Variants in GXYLT2 observed in about 807,000 individuals in gnomAD.
GXYLT2 encodes glycosyltransferase 8 domain containing 4.
Under a neutral mutation model 45.8 loss-of-function variants are expected in GXYLT2, and 53 were observed. That is an observed-to-expected ratio of 1.16 (90% CI 0.93 to 1.46). GXYLT2 has a LOEUF of 1.46. GXYLT2 is among the 40% of genes most tolerant of loss of function. The pLI, the probability that GXYLT2 is intolerant of heterozygous loss-of-function variation, is 0.00. For synonymous variants in GXYLT2, 219 were observed against 214.2 expected (o/e 1.02, Z -0.19); for missense variants, 551 against 544.4 (o/e 1.01, Z -0.12).
At chr3:72,912,013 A>ATAT (rs1156864738) in intron 2 of GXYLT2, among the ~76,000 whole-genome samples, 20 of 114,884 alleles carry the variant, frequency 1.7e-4, no homozygotes, top group African/African-American at 7.2e-4. Flanking sequence ...ATATATATAT[A>ATAT]TTTTTTTTTT....
chr3:72,959,591 T>C (rs1710730088), intron 5 of GXYLT2, among the ~76,000 whole-genome samples: 2 of 152,048 alleles, frequency 1.3e-5, no homozygotes, highest in Admixed American at 6.6e-5. Flanking sequence ...CATTTCACTG[T>C]GACAGTAGGT....
intron 2 of GXYLT2, among the ~76,000 whole-genome samples, chr3:72,909,153 C>G (rs1044953684): frequency 2.8e-5 from 4 of 144,832 alleles, no homozygotes; most frequent in Non-Finnish European, 6.0e-5. Flanking sequence ...ATTGCACCCT[C>G]TGTTTCCTGG....
At chr3:72,963,902 C>T (rs1015501191) in intron 5 of GXYLT2, among the ~76,000 whole-genome samples, 2 of 151,790 alleles carry the variant, frequency 1.3e-5, no homozygotes, top group Admixed American at 6.6e-5. Flanking sequence ...CTCGAACTCC[C>T]GACCTCAGGT....
intron 2 of GXYLT2, 53 bp downstream of exon 2, chr3:72,908,612 T>C: frequency 7.5e-7 from 1 of 1,341,390 alleles, no homozygotes; most frequent in Non-Finnish European, 1.0e-6. Context: ...ACAGACTACA[T>C]TTTAGGAACT....
intron 6 of GXYLT2, among the ~76,000 whole-genome samples, chr3:72,970,052 CA>C (rs199508509): frequency 6.7e-6 from 1 of 149,012 alleles, no homozygotes; most frequent in African/African-American, 2.5e-5. Context: ...GACCCCATCT[CA>C]AAAAAAAATA....
At chr3:72,941,730 A>C (rs938346392) in intron 3 of GXYLT2, among the ~76,000 whole-genome samples, 1 of 152,186 alleles carries the variant, frequency 6.6e-6, no homozygotes, top group Non-Finnish European at 1.5e-5. Flanking sequence ...AAATAAATAT[A>C]TAGGTACAGA....
intron 3 of GXYLT2, among the ~76,000 whole-genome samples, chr3:72,937,941 C>T (rs1442660326): frequency 6.6e-6 from 1 of 152,092 alleles, no homozygotes; most frequent in Non-Finnish European, 1.5e-5. Flanking sequence ...TTCTCAGGAG[C>T]ATGTAAGCCC....
chr3:72,953,042 C>T (rs186735165), intron 3 of GXYLT2, among the ~76,000 whole-genome samples: 73 of 152,202 alleles, frequency 4.8e-4, no homozygotes, highest in Admixed American at 2.9e-3. Flanking sequence ...AGTCTCAAAT[C>T]ACCCAGCAAA....
chr3:72,900,356 G>A (rs1709381214), intron 1 of GXYLT2, among the ~76,000 whole-genome samples: 1 of 152,100 alleles, frequency 6.6e-6, no homozygotes, highest in Admixed American at 6.5e-5. Context: ...GGGAACACTT[G>A]AGCCAGGACA....
At chr3:72,913,481 G>A (rs1255420670) in intron 2 of GXYLT2, among the ~76,000 whole-genome samples, 1 of 151,926 alleles carries the variant, frequency 6.6e-6, no homozygotes, top group Non-Finnish European at 1.5e-5. Context: ...GATCACCTGA[G>A]GTCCGGAGTT....
At chr3:72,923,541 C>T (rs751171173) in intron 3 of GXYLT2, among the ~76,000 whole-genome samples, 1 of 152,060 alleles carries the variant, frequency 6.6e-6, no homozygotes, top group Non-Finnish European at 1.5e-5. Context: ...TCAGTTGCTG[C>T]CTTAATTTTT....
intron 1 of GXYLT2, chr3:72,908,127 C>T (rs1253893621): frequency 2.6e-6 from 1 of 387,556 alleles, no homozygotes; most frequent in African/African-American, 2.0e-5. Context: ...GCAGAAAAAG[C>T]CTCAGACACC....
At chr3:72,889,340 T>C (rs527553488) in intron 1 of GXYLT2, among the ~76,000 whole-genome samples, 11 of 152,334 alleles carry the variant, frequency 7.2e-5, no homozygotes, top group Non-Finnish European at 1.6e-4. Flanking sequence ...AAAACTGTTG[T>C]TTCTAACTGC....
At chr3:72,972,263 C>G (rs1710999489) in intron 6 of GXYLT2, among the ~76,000 whole-genome samples, 1 of 152,108 alleles carries the variant, frequency 6.6e-6, no homozygotes, top group Non-Finnish European at 1.5e-5. Flanking sequence ...TTGACAGTCA[C>G]TTATGAAGCA....
Position 72,967,624 on chromosome 3 carries a change from G to A in GXYLT2, c.1054G>A (p.Glu352Lys). 6.2e-7 allele frequency: 1 copy of A among 1,613,916 alleles called. No homozygotes were observed. Among genetic ancestry groups the A allele is most frequent in the African/African-American group, 1.3e-5 (1 of 75,046 alleles). The change falls in exon 6 of 7, where the codon GAG becomes AAG. Residue 352 changes from glutamate to lysine, a missense_variant. Coordinates refer to ENST00000389617, the MANE Select transcript of GXYLT2 (RefSeq NM_001080393.2). ...GTACGGAAGCAACTGCAGAGAGGCT[G>A]AGCATGAAGGTGTGTCTGTTCTGCA... ...CMYGSNCREA[E>K]HEGVSVLHGN... is the part of the protein sequence containing the mutation.
intron 1 of GXYLT2, among the ~76,000 whole-genome samples, chr3:72,903,600 C>T (rs537067705): frequency 9.9e-5 from 15 of 152,260 alleles, no homozygotes; most frequent in African/African-American, 3.4e-4. Context: ...AAATAACAAA[C>T]ACTGCAGATG....
intron 2 of GXYLT2, among the ~76,000 whole-genome samples, chr3:72,909,138 A>C (rs1295742497): frequency 1.6e-5 from 2 of 125,022 alleles, no homozygotes; most frequent in Non-Finnish European, 1.6e-5. Context: ...GTGCGATCTT[A>C]GCTCATTGCA....
At chr3:72,957,539 T>C (rs1710672515) in intron 5 of GXYLT2, among the ~76,000 whole-genome samples, 187 bp downstream of exon 5, 1 of 152,156 alleles carries the variant, frequency 6.6e-6, no homozygotes, top group Admixed American at 6.5e-5. Flanking sequence ...CTTGCACTAC[T>C]GACACAAAAG....
chr3:72,931,500 A>AT (rs1477890846), intron 3 of GXYLT2, among the ~76,000 whole-genome samples: 2 of 152,122 alleles, frequency 1.3e-5, no homozygotes, highest in East Asian at 3.9e-4. Flanking sequence ...AAGTGCTAGG[A>AT]TTACAGGCGT....
Sources: gnomAD v4.1 joint callset for allele counts (sites outside exome capture counted in the v4.1 genomes callset) on GRCh38, gnomAD v4.1.1 for gene constraint, MANE v1.5 for transcripts, NCBI Gene and HGNC (gene_info 2026-07-23, HGNC 2026-07-21) for gene names.